ICA1: variants seen among roughly 807,000 people sequenced by gnomAD.
The protein encoded by ICA1 is islet cell autoantigen 1, also known as 69 kDa islet cell autoantigen.
ICA1 carries 40 observed loss-of-function variants against 71.0 expected under a neutral mutation model. That is an observed-to-expected ratio of 0.56 (90% confidence interval 0.44 to 0.73). ICA1 has a LOEUF of 0.73. ICA1 is among the 30% of genes least tolerant of loss of function. The pLI, the probability that ICA1 is intolerant of heterozygous loss-of-function variation, is 0.00. For synonymous variants in ICA1, 207 were observed against 209.5 expected (o/e 0.99, Z 0.10); for missense variants, 578 against 576.5 (o/e 1.00, Z -0.03).
chr7:8,162,845 C>A lies in ICA1; in HGVS notation c.580-4193G>T, dbSNP rs575846325. Among the ~76,000 whole-genome samples the A allele has an allele frequency of 1.9e-3, 297 of 152,340 alleles. 2 individuals carry two copies. Among genetic ancestry groups the A allele is most frequent in the South Asian group, 9.5e-3 (46 of 4,828 alleles). ...GTGGTGCGATCTTGGCTCACTGCAA[C>A]CGCTGCCTCCTGGGTTCAAGCAATT... On this transcript the variant is annotated intron_variant, in intron 6 of 13. Coordinates refer to ENST00000402384, the MANE Select transcript of ICA1 (RefSeq NM_001136020.3).
intron 13 of ICA1, among the ~76,000 whole-genome samples, chr7:8,115,527 G>A (rs74787882): frequency 0.06 from 9,128 of 152,224 alleles, 388 homozygotes; most frequent in Non-Finnish European, 0.086. Flanking sequence ...TCTTCTGAGC[G>A]TTCTCATGGC....
rs984060418 is a variant in ICA1, at chr7:8,123,351, C to T, written c.1330+4522G>A. On this transcript the variant is annotated intron_variant, in intron 13 of 13. Transcript: ENST00000402384. The surrounding 1 kb of genome is among the most constrained non-coding windows in gnomAD (Gnocchi z 4.1). ...AAAAGCAGGGGAGAATCCAGGGAGA[C>T]GACAGAGGAGGAAACTGAAGAGATG... Among the ~76,000 whole-genome samples the T allele has an allele frequency of 1.3e-4, 19 of 151,606 alleles. No homozygotes were observed. The highest frequency in any genetic ancestry group is 3.4e-3 in the Middle Eastern group (1 of 294).
chr7:8,146,426 G>A lies in ICA1; in HGVS notation c.805-2454C>T, dbSNP rs1387861468. Among the ~76,000 whole-genome samples, 3 of 152,180 alleles carry A rather than the reference G, an allele frequency of 2.0e-5. No individual in the cohort carries two copies. In the East Asian group the frequency reaches 5.8e-4, roughly 29 times the overall value. ...TATAGTTGGCAAGAGTACAAGTCTT[G>A]AGACTGGGATAAAGAGGTCAGCAGG... On this transcript the variant is annotated intron_variant, in intron 8 of 13. Coordinates refer to ENST00000402384, the MANE Select transcript of ICA1 (RefSeq NM_001136020.3).
At chr7:8,189,413 C>T (rs541703231) in intron 6 of ICA1, among the ~76,000 whole-genome samples, 14 of 152,294 alleles carry the variant, frequency 9.2e-5, no homozygotes, top group Non-Finnish European at 1.9e-4. Context: ...TAGAGCTGGA[C>T]CCAGAACCCA....
intron 12 of ICA1, 114 bp downstream of exon 12, chr7:8,138,726 T>C (rs143154979): frequency 4.5e-6 from 4 of 893,644 alleles, no homozygotes; most frequent in African/African-American, 1.7e-5. Context: ...CCCAAAAAAC[T>C]TTCCTTTGGA....
At chr7:8,128,218 G>A (rs565975991) in intron 12 of ICA1, 76 bp from the exon 13 acceptor site, 30 of 1,461,026 alleles carry the variant, frequency 2.1e-5, no homozygotes, top group African/African-American at 1.7e-4. Flanking sequence ...TGGGGGCTGC[G>A]AAGGGGGAGA....
chr7:8,195,330 C>T (rs1032496473), intron 6 of ICA1, among the ~76,000 whole-genome samples: 12 of 152,162 alleles, frequency 7.9e-5, no homozygotes, highest in Non-Finnish European at 1.6e-4. Context: ...CTCTTGAGGT[C>T]AGGAGTTCGA....
At chr7:8,194,977 T>G (rs547978761) in intron 6 of ICA1, among the ~76,000 whole-genome samples, 1 of 152,336 alleles carries the variant, frequency 6.6e-6, no homozygotes, top group South Asian at 2.1e-4. Flanking sequence ...AAGACATGTA[T>G]GATAAAGGAC....
At chr7:8,163,426 G>T (rs1222023499) in intron 6 of ICA1, among the ~76,000 whole-genome samples, 1 of 152,108 alleles carries the variant, frequency 6.6e-6, no homozygotes, top group East Asian at 1.9e-4. Flanking sequence ...AGATAGCTCT[G>T]GCCTTAAATC....
intron 3 of ICA1, 50 bp downstream of exon 3, chr7:8,232,540 T>C (rs377566967): frequency 1.3e-6 from 2 of 1,529,146 alleles, no homozygotes; most frequent in East Asian, 2.3e-5. Flanking sequence ...TCTAGGACCT[T>C]GATCCTAGCA....
intron 6 of ICA1, among the ~76,000 whole-genome samples, chr7:8,199,227 A>G (rs1276531231): frequency 6.6e-6 from 1 of 152,236 alleles, no homozygotes; most frequent in Non-Finnish European, 1.5e-5. Context: ...ACTGCAGGGT[A>G]TATACCCAAA....
chr7:8,224,375 T>C (rs1279307846), intron 4 of ICA1, among the ~76,000 whole-genome samples: 1 of 151,752 alleles, frequency 6.6e-6, no homozygotes, highest in East Asian at 1.9e-4. Flanking sequence ...TCACGTCCTA[T>C]GTATAAGAAT....
intron 1 of ICA1, among the ~76,000 whole-genome samples, chr7:8,242,945 G>C (rs571608417): frequency 2.6e-5 from 4 of 152,226 alleles, no homozygotes; most frequent in African/African-American, 9.6e-5. Flanking sequence ...ACCAAAAAAA[G>C]TCCAGGACCA....
chr7:8,237,147 C>T (rs1293313491), intron 1 of ICA1, among the ~76,000 whole-genome samples: 2 of 152,188 alleles, frequency 1.3e-5, no homozygotes, highest in Non-Finnish European at 2.9e-5. Context: ...CAGTGAACAT[C>T]TCTCTTCCTT....
chr7:8,151,914 G>T (rs1186951177), intron 8 of ICA1, among the ~76,000 whole-genome samples: 1 of 152,176 alleles, frequency 6.6e-6, no homozygotes, highest in Non-Finnish European at 1.5e-5. Flanking sequence ...GGTTATTTTT[G>T]AACATGTTCA....
intron 6 of ICA1, among the ~76,000 whole-genome samples, chr7:8,188,299 C>T (rs1387683948): frequency 6.6e-6 from 1 of 152,156 alleles, no homozygotes; most frequent in Non-Finnish European, 1.5e-5. Flanking sequence ...TAAGTTTCAT[C>T]ATTTCTACGC....
intron 6 of ICA1, among the ~76,000 whole-genome samples, chr7:8,160,164 C>A (rs983048930): frequency 2.6e-5 from 4 of 151,936 alleles, no homozygotes; most frequent in African/African-American, 7.3e-5. Context: ...TAAAGTATAA[C>A]CTTTAATGTA....
intron 13 of ICA1, among the ~76,000 whole-genome samples, chr7:8,126,538 T>A (rs77170462): frequency 0.056 from 8,416 of 151,358 alleles, 348 homozygotes; most frequent in Non-Finnish European, 0.09. Flanking sequence ...GTATTTCATT[T>A]AAAAAAAAAG....
At chr7:8,204,163 A>T (rs1319465533) in intron 6 of ICA1, among the ~76,000 whole-genome samples, 1 of 152,208 alleles carries the variant, frequency 6.6e-6, no homozygotes, top group Non-Finnish European at 1.5e-5. Flanking sequence ...GTGCTGGAAG[A>T]TGTGACTGCT....
Sources: gnomAD v4.1 joint callset for allele counts (sites outside exome capture counted in the v4.1 genomes callset) on GRCh38, gnomAD v4.1.1 for gene constraint, Gnocchi (gnomAD v3.1) non-coding constraint, MANE v1.5 for transcripts, NCBI Gene and HGNC (gene_info 2026-07-23, HGNC 2026-07-21) for gene names.